Variants in YTHDC2 observed in about 807,000 individuals in gnomAD.
The protein encoded by YTHDC2 is YTH N6-methyladenosine RNA binding protein C2.
In YTHDC2, 45 loss-of-function variants were observed where a neutral mutation model predicts 174.9. The observed-to-expected ratio is 0.26, with a 90% CI of 0.20 to 0.33. YTHDC2 has a LOEUF of 0.33. Ranked by LOEUF, YTHDC2 falls within the 10% of genes least tolerant of loss-of-function variation. YTHDC2 has a pLI of 1.00. For synonymous variants in YTHDC2, 657 were observed against 574.5 expected, an observed-to-expected ratio of 1.14 and a Z score of -2.05; for missense variants, 1,650 against 1,723.7, an observed-to-expected ratio of 0.96 and a Z score of 0.76.
intron 9 of YTHDC2, among the ~76,000 whole-genome samples, chr5:113,541,643 C>T (rs1775478036): frequency 6.6e-6 from 1 of 152,024 alleles, no homozygotes; most frequent in Non-Finnish European, 1.5e-5. Context: ...GATATGTTTG[C>T]AGTTTTCTAC....
At chr5:113,583,327 G>A (rs1317946703) in intron 25 of YTHDC2, 2 of 152,076 alleles carry the variant, frequency 1.3e-5, no homozygotes, top group South Asian at 2.1e-4. Context: ...AAAGGAAGCA[G>A]GAAAGAAAAA....
intron 2 of YTHDC2, among the ~76,000 whole-genome samples, chr5:113,515,742 A>G (rs1833680): frequency 0.32 from 48,254 of 152,072 alleles, 9,459 homozygotes; most frequent in African/African-American, 0.54. Flanking sequence ...CATGGGGCTT[A>G]TGTGGCATCT....
chr5:113,593,784 G>A lies in YTHDC2; in HGVS notation c.*310G>A, dbSNP rs1003965069. ...TCATTTTTAAAAACACTGAATTACA[G>A]TTCTTATTGATGACTTTTTAATGCA... is the stretch of plus-strand genomic sequence containing the variant. On this transcript the variant is annotated 3_prime_UTR_variant, in exon 30 of 30. Transcript: ENST00000161863. The A allele has an allele frequency of 1.3e-5, 2 of 155,592 alleles. No homozygotes were observed. The highest frequency in any genetic ancestry group is 4.8e-5 in the African/African-American group (2 of 41,466). The allele number at this position is 155,592 out of a possible 1,614,324, so 9.6% of individuals were successfully genotyped here.
chr5:113,572,588 G>A (rs1244582952), intron 23 of YTHDC2, among the ~76,000 whole-genome samples: 1 of 152,276 alleles, frequency 6.6e-6, no homozygotes, highest in African/African-American at 2.4e-5. Flanking sequence ...CACTATTATT[G>A]TATGGGAGTC....
At chr5:113,591,818 C>G (rs954967535) in intron 27 of YTHDC2, among the ~76,000 whole-genome samples, 178 bp from the exon 28 acceptor site, 10 of 151,878 alleles carry the variant, frequency 6.6e-5, no homozygotes, top group African/African-American at 2.4e-4. Context: ...CTAAAATTTG[C>G]TAAGAGAGCT....
rs367950987 is a variant in YTHDC2, at chr5:113,586,853, A to ATCTC, written c.3825+2392_3825+2395dup. Among the ~76,000 whole-genome samples the ATCTC allele has an allele frequency of 2.4e-3, 307 of 126,314 alleles. 7 individuals carry two copies. Among genetic ancestry groups the ATCTC allele is most frequent in the African/African-American group, 7.8e-3 (262 of 33,646 alleles). 82.9% of individuals were successfully genotyped at this position (126,314 alleles called of 152,430 possible). Reference sequence around the variant, plus strand: ...TATTGGACTCTTCAGTTTCATTAATATCTCTCTCTCTCTCTCTCTCTATAT... The same window carrying ATCTC: ...TATTGGACTCTTCAGTTTCATTAATATCTCTCTCTCTCTCTCTCTCTCTCTATAT... On this transcript the variant is annotated intron_variant, in intron 26 of 29. Transcript: ENST00000161863.
intron 8 of YTHDC2, among the ~76,000 whole-genome samples, chr5:113,540,607 A>T (rs908563899): frequency 2.6e-5 from 4 of 152,160 alleles, no homozygotes; most frequent in African/African-American, 9.7e-5. Flanking sequence ...ATGCTTATAA[A>T]ACCATCAGAT....
At chr5:113,544,762 C>A (rs1580538415) in intron 10 of YTHDC2, among the ~76,000 whole-genome samples, 1 of 151,712 alleles carries the variant, frequency 6.6e-6, no homozygotes, top group South Asian at 2.1e-4. Flanking sequence ...ATATCTGGTC[C>A]CCTCCTTCCC....
intron 25 of YTHDC2, 163 bp downstream of exon 25, chr5:113,581,872 A>G (rs989379907): frequency 4.4e-5 from 24 of 550,506 alleles, no homozygotes; most frequent in Non-Finnish European, 6.5e-5. Context: ...TACTTGTTCA[A>G]CTTAATTCTT....
At chr5:113,578,764 G>C (rs1778219718) in intron 23 of YTHDC2, among the ~76,000 whole-genome samples, 1 of 151,862 alleles carries the variant, frequency 6.6e-6, no homozygotes, top group African/African-American at 2.4e-5. Context: ...TGAGAGACTT[G>C]GTATTCTGGA....
At chr5:113,541,968 C>T (rs1752570742) in intron 9 of YTHDC2, among the ~76,000 whole-genome samples, 1 of 152,068 alleles carries the variant, frequency 6.6e-6, no homozygotes, top group African/African-American at 2.4e-5. Flanking sequence ...GAATCTAGCA[C>T]CCTACCAACA....
intron 9 of YTHDC2, among the ~76,000 whole-genome samples, chr5:113,541,328 A>G (rs1197967107): frequency 1.3e-5 from 2 of 151,726 alleles, no homozygotes; most frequent in African/African-American, 4.8e-5. Flanking sequence ...AGTAGCTGGG[A>G]CTATAGGCGC....
intron 23 of YTHDC2, among the ~76,000 whole-genome samples, chr5:113,570,736 C>A (rs142231548): frequency 6.6e-6 from 1 of 152,144 alleles, no homozygotes; most frequent in South Asian, 2.1e-4. Flanking sequence ...CTGCAACCTC[C>A]GCCTTCTGGG....
chr5:113,547,789 A>C (rs1775989236), intron 10 of YTHDC2, among the ~76,000 whole-genome samples: 1 of 152,216 alleles, frequency 6.6e-6, no homozygotes, highest in Non-Finnish European at 1.5e-5. Context: ...AATTGGGTAT[A>C]CATACTGTAT....
chr5:113,564,009 G>T lies in YTHDC2; in HGVS notation c.2593G>T (p.Ala865Ser), dbSNP rs748197868. 9.3e-6 allele frequency: 15 copies of T among 1,613,968 alleles called. No individual in the cohort carries two copies. Among genetic ancestry groups the T allele is most frequent in the Non-Finnish European group, 1.2e-5 (14 of 1,180,018 alleles). ...CATCCTTACAATTGCTTGCACACTA[G>T]CTTATCGAGATCCTTTTGTACTACC... ...DPILTIACTLAYRDPFVLPTQ... is the reference protein window; with the variant it reads ...DPILTIACTLSYRDPFVLPTQ... The change falls in exon 20 of 30, where the codon GCT becomes TCT. Residue 865 changes from alanine to serine, a missense_variant. Around this residue, in one of 5 missense-constraint regions of YTHDC2, gnomAD observed 913 missense variants for 940.4 expected, o/e 0.97. Transcript: ENST00000161863.
chr5:113,543,477 A>G (rs189991044), intron 10 of YTHDC2, among the ~76,000 whole-genome samples: 3 of 152,038 alleles, frequency 2.0e-5, no homozygotes, highest in African/African-American at 7.2e-5. Context: ...CACTCCCCCT[A>G]CTGTACATTT....
In YTHDC2 at chr5:113,579,648, G is replaced by A; in HGVS notation, c.3307G>A (p.Ala1103Thr). 1 of 1,610,418 alleles carries A rather than the reference G, an allele frequency of 6.2e-7. No individual in the cohort carries two copies. The highest frequency in any genetic ancestry group is 8.5e-7 in the Non-Finnish European group (1 of 1,178,016). The change falls in exon 24 of 30, where the codon GCA becomes ACA. Residue 1103 changes from alanine to threonine, a missense_variant. By Grantham distance (58) the Ala-to-Thr change is moderately conservative. Around this residue, in one of 5 missense-constraint regions of YTHDC2, gnomAD observed 913 missense variants for 940.4 expected, o/e 0.97. Transcript: ENST00000161863. Reference sequence around the variant, plus strand: ...GGAGGACAAAACTACAGCTAATTTGGCAGCCTTGAAACTTGATGAGTGGCT... The same window carrying A: ...GGAGGACAAAACTACAGCTAATTTGACAGCCTTGAAACTTGATGAGTGGCT... ...EMEDKTTANL[A>T]ALKLDEWLHF...
chr5:113,587,689 A>G (rs956245693), intron 26 of YTHDC2, among the ~76,000 whole-genome samples: 3 of 150,022 alleles, frequency 2.0e-5, no homozygotes, highest in East Asian at 1.9e-4. Flanking sequence ...TAATCCTTCA[A>G]TCAATTGTCC....
intron 8 of YTHDC2, among the ~76,000 whole-genome samples, chr5:113,539,428 C>T (rs1775299267): frequency 6.6e-6 from 1 of 152,196 alleles, no homozygotes; most frequent in Admixed American, 6.5e-5. Context: ...TATATCCAAA[C>T]ATTCAGCCAC....
Sources: allele counts gnomAD v4.1 joint callset (sites outside exome capture counted in the v4.1 genomes callset), GRCh38; gene constraint gnomAD v4.1.1; regional missense constraint gnomAD v4.1.1; transcripts MANE v1.5; gene names NCBI Gene and HGNC (gene_info 2026-07-23, HGNC 2026-07-21).